Variants in STK32C observed in about 807,000 individuals in gnomAD.
STK32C encodes serine/threonine kinase 32C.
In STK32C, 31 loss-of-function variants were observed where a neutral mutation model predicts 56.5. The observed-to-expected ratio is 0.55, with a 90% CI of 0.41 to 0.74. The LOEUF (loss-of-function observed/expected upper bound fraction) is 0.74. STK32C is among the 30% of genes least tolerant of loss of function. The pLI, the probability that STK32C is intolerant of heterozygous loss-of-function variation, is 0.00. For synonymous variants in STK32C, 309 were observed against 289.4 expected (o/e 1.07, Z -0.69); for missense variants, 544 against 676.9 (o/e 0.80, Z 2.18).
intron 10 of STK32C, among the ~76,000 whole-genome samples, chr10:132,221,151 C>A (rs2062625020): frequency 6.6e-6 from 1 of 152,226 alleles, no homozygotes; most frequent in Admixed American, 6.5e-5. Flanking sequence ...CCCGCACACA[C>A]AACCAAAGCC....
intron 1 of STK32C, among the ~76,000 whole-genome samples, chr10:132,278,447 C>G (rs892453300): frequency 6.9e-6 from 1 of 143,928 alleles, no homozygotes; most frequent in Non-Finnish European, 1.5e-5. Flanking sequence ...GCATAGATAA[C>G]AATAAACACA....
chr10:132,260,525 C>T lies in STK32C; in HGVS notation c.263-14570G>A, dbSNP rs116426695. 3.2e-3 allele frequency among the ~76,000 whole-genome samples: 487 copies of T among 152,342 alleles called. 7 individuals are homozygous for T. Among genetic ancestry groups the T allele is most frequent in the African/African-American group, 0.011 (454 of 41,572 alleles). Reference sequence around the variant, plus strand: ...GCCCCGGTCTTGGGATGCTGGGCACCGTTGTCGGGTCCTGGGTGTTGCAGG... The same window carrying T: ...GCCCCGGTCTTGGGATGCTGGGCACTGTTGTCGGGTCCTGGGTGTTGCAGG... On this transcript the variant is annotated intron_variant, in intron 1 of 11. Coordinates refer to ENST00000298630, the MANE Select transcript of STK32C (RefSeq NM_173575.4).
chr10:132,251,668 A>C (rs1413381894), intron 1 of STK32C, among the ~76,000 whole-genome samples: 1 of 151,998 alleles, frequency 6.6e-6, no homozygotes, highest in Non-Finnish European at 1.5e-5. Context: ...ACTACCCACC[A>C]CAGGCAGGTC....
chr10:132,208,951 G>T (rs41306840), intron 11 of STK32C, 83 bp downstream of exon 11: 1 of 1,338,048 alleles, frequency 7.5e-7, no homozygotes, highest in Non-Finnish European at 1.1e-6. Flanking sequence ...ACAGGTGCCC[G>T]CTCACGTGGC....
chr10:132,296,104 A>T (rs1057414197), intron 1 of STK32C, among the ~76,000 whole-genome samples: 1 of 147,854 alleles, frequency 6.8e-6, no homozygotes, highest in African/African-American at 2.5e-5. Flanking sequence ...GTATGACATC[A>T]TGAGAATGGC....
chr10:132,213,455 G>A (rs1022196867), intron 10 of STK32C, among the ~76,000 whole-genome samples: 6 of 152,214 alleles, frequency 3.9e-5, no homozygotes, highest in Non-Finnish European at 8.8e-5. Context: ...GGCAACCCGG[G>A]AAATGAAAAC....
At chr10:132,296,103 C>A (rs1468835548) in intron 1 of STK32C, among the ~76,000 whole-genome samples, 1 of 148,196 alleles carries the variant, frequency 6.7e-6, no homozygotes, top group Non-Finnish European at 1.5e-5. Flanking sequence ...CGTATGACAT[C>A]ATGAGAATGG....
At chr10:132,323,904 C>T (rs1357447807), downstream of STK32C, 1 of 220,578 alleles carries the variant, frequency 4.5e-6, no homozygotes, top group Non-Finnish European at 9.0e-6. The surrounding 1 kb of genome is among the most constrained non-coding windows in gnomAD (Gnocchi z 4.8). Flanking sequence ...GGGAGTGGGA[C>T]AAAACATGAG....
In STK32C at chr10:132,224,459, C is replaced by T; in HGVS notation, c.941G>A (p.Ser314Asn). ...ESLVQLFSTV[S>N]VQYVPTWSKE... is the part of the protein sequence containing the mutation. Reference sequence around the variant, plus strand: ...GGACCACGTGGGGACATACTGGACGCTCACGGTGCTGAACAGCTGCACCAG... The same window carrying T: ...GGACCACGTGGGGACATACTGGACGTTCACGGTGCTGAACAGCTGCACCAG... Residue 314 changes from serine (S) to asparagine (N), a missense_variant, in exon 8 of 12, where the codon AGC (serine) becomes AAC (asparagine). This residue lies in a region of STK32C where 277 missense variants were observed against 309.3 expected (regional missense o/e 0.90). Coordinates refer to ENST00000298630, the MANE Select transcript of STK32C (RefSeq NM_173575.4). The T allele has an allele frequency of 6.4e-7, 1 of 1,569,270 alleles. No homozygotes were observed. The highest frequency in any genetic ancestry group is 8.6e-7 in the Non-Finnish European group (1 of 1,156,994).
chr10:132,267,444 C>T lies in STK32C; in HGVS notation c.263-21489G>A, dbSNP rs369685483. On this transcript the variant is annotated intron_variant, in intron 1 of 11. Transcript: ENST00000298630. ...ACAGTTCTGTGCATGTGTGTCAGTG[C>T]GTGTGCATGCATGTGTATGTGGGTT... is the stretch of plus-strand genomic sequence containing the variant. Among the ~76,000 whole-genome samples, 85 of 152,272 alleles carry T rather than the reference C, an allele frequency of 5.6e-4. 1 individual carries two copies. The highest frequency in any genetic ancestry group is 2.3e-3 in the East Asian group (12 of 5,190).
At chr10:132,276,192 A>AG (rs1224711986) in intron 1 of STK32C, among the ~76,000 whole-genome samples, 1 of 152,222 alleles carries the variant, frequency 6.6e-6, no homozygotes, top group African/African-American at 2.4e-5. Flanking sequence ...AGCGAAACAC[A>AG]GAAAACAGCA....
At chr10:132,273,219 G>A (rs1320280832) in intron 1 of STK32C, among the ~76,000 whole-genome samples, 1 of 152,120 alleles carries the variant, frequency 6.6e-6, no homozygotes, top group Non-Finnish European at 1.5e-5. Context: ...ATCTGATAGA[G>A]CTTTCTGTGC....
chr10:132,229,358 G>A (rs180713407), intron 2 of STK32C, among the ~76,000 whole-genome samples: 2 of 152,300 alleles, frequency 1.3e-5, no homozygotes, highest in African/African-American at 2.4e-5. Flanking sequence ...CCCGGAAAGC[G>A]TGGTGGCACA....
intron 1 of STK32C, among the ~76,000 whole-genome samples, chr10:132,261,517 C>A (rs2064306984): frequency 6.6e-6 from 1 of 152,202 alleles, no homozygotes; most frequent in Non-Finnish European, 1.5e-5. Flanking sequence ...ATAATCCCAG[C>A]ACTTTGGGAG....
chr10:132,252,094 T>C (rs536643074), intron 1 of STK32C, among the ~76,000 whole-genome samples: 1 of 152,242 alleles, frequency 6.6e-6, no homozygotes, highest in African/African-American at 2.4e-5. Flanking sequence ...GGGCTGGACT[T>C]TGGCACTGTC....
chr10:132,218,576 T>C (rs78388191), intron 10 of STK32C, among the ~76,000 whole-genome samples: 2,402 of 152,170 alleles, frequency 0.016, 62 homozygotes, highest in African/African-American at 0.054. Context: ...ATGGAGAAAT[T>C]AGAACCCTCA....
chr10:132,324,328 C>A, exon 2 of STK32C: 1 of 779,672 alleles, frequency 1.3e-6, no homozygotes, highest in South Asian at 1.3e-5. Flanking sequence ...CACCATTCCA[C>A]ATCTTCCTGG....
chr10:132,324,170 G>C (rs901045249), exon 2 of STK32C: 4 of 761,974 alleles, frequency 5.2e-6, no homozygotes, highest in Non-Finnish European at 7.3e-6. Flanking sequence ...ATGAGTCTGA[G>C]TCTCCCTGGG....
In STK32C at chr10:132,221,044, A is replaced by T. The variant is rs78859107; in HGVS notation, c.1251+1597T>A. ...ACTCAGATCCATCTCAGAGAGACGC[A>T]TTGCTGTTCTTCAACCACCTGATTC... On this transcript the variant is annotated intron_variant, in intron 10 of 11. Transcript: ENST00000298630. Among the ~76,000 whole-genome samples the T allele has an allele frequency of 4.9e-3, 740 of 152,362 alleles. 6 individuals carry two copies. The highest frequency in any genetic ancestry group is 0.017 in the African/African-American group (703 of 41,582).
Sources: allele counts gnomAD v4.1 joint callset (sites outside exome capture counted in the v4.1 genomes callset), GRCh38; gene constraint gnomAD v4.1.1; regional missense constraint gnomAD v4.1.1; non-coding constraint Gnocchi (gnomAD v3.1); transcripts MANE v1.5; gene names NCBI Gene and HGNC (gene_info 2026-07-23, HGNC 2026-07-21).